The following ZSCAN25 variants were observed in gnomAD, a reference collection of about 807,000 sequenced individuals.
ZSCAN25 encodes zinc finger and SCAN domain-containing protein 25.
A neutral mutation model predicts 38.7 loss-of-function variants in ZSCAN25; 27 were observed. That is an observed-to-expected ratio of 0.70 (90% CI 0.51 to 0.96). The LOEUF (loss-of-function observed/expected upper bound fraction) is 0.96. Ranked by LOEUF, ZSCAN25 falls within the 40% of genes least tolerant of loss-of-function variation. The probability of loss-of-function intolerance (pLI) is 0.00; values close to 1 mark genes in which losing one functional copy is unlikely to be tolerated. For synonymous variants in ZSCAN25, 273 were observed against 277.7 expected, an observed-to-expected ratio of 0.98 and a Z score of 0.17; for missense variants, 637 against 705.9, an observed-to-expected ratio of 0.90 and a Z score of 1.11.
chr7:99,647,449 G>A, the ZSCAN25 span: 8 of 975,544 alleles, frequency 8.2e-6, no homozygotes, highest in Middle Eastern at 5.2e-4. Flanking sequence ...ATCAACTGAC[G>A]AATTGACAAT....
chr7:99,713,616 C>G, the ZSCAN25 span: 2 of 1,596,020 alleles, frequency 1.3e-6, no homozygotes, highest in East Asian at 4.5e-5. Flanking sequence ...TCCTCAACCT[C>G]CCTTCTGAGA....
chr7:99,722,337 C>T, the ZSCAN25 span: 17 of 1,613,392 alleles, frequency 1.1e-5, no homozygotes, highest in Middle Eastern at 1.6e-4. Flanking sequence ...CCATGTCAAA[C>T]GTCCAATAGC....
the ZSCAN25 span, among the ~76,000 whole-genome samples, chr7:99,709,772 A>ATGTG: frequency 7.5e-4 from 46 of 61,470 alleles, no homozygotes; most frequent in East Asian, 1.2e-3. Context: ...TGTATTATAT[A>ATGTG]TATGTGTGTG....
the ZSCAN25 span, among the ~76,000 whole-genome samples, chr7:99,668,686 G>A: frequency 2.0e-5 from 3 of 152,204 alleles, no homozygotes; most frequent in Non-Finnish European, 2.9e-5. Flanking sequence ...GCGAGAGGAC[G>A]CTATTGCAGT....
chr7:99,668,986 A>G, the ZSCAN25 span, among the ~76,000 whole-genome samples: 6 of 152,244 alleles, frequency 3.9e-5, no homozygotes, highest in Non-Finnish European at 5.9e-5. Context: ...ACATGTAAGT[A>G]TTCTTATTTG....
At chr7:99,691,713 C>T in the ZSCAN25 span, among the ~76,000 whole-genome samples, 1 of 152,116 alleles carries the variant, frequency 6.6e-6, no homozygotes, top group Admixed American at 6.5e-5. Flanking sequence ...AATAGGATTG[C>T]AACCCCTGCT....
chr7:99,713,701 C>G, the ZSCAN25 span, among the ~76,000 whole-genome samples: 1 of 152,122 alleles, frequency 6.6e-6, no homozygotes, highest in Non-Finnish European at 1.5e-5. Flanking sequence ...CCATCTAAAT[C>G]CTTGGAAAGC....
the ZSCAN25 span, among the ~76,000 whole-genome samples, chr7:99,709,830 T>A: frequency 0.05 from 7,645 of 152,134 alleles, 237 homozygotes; most frequent in Middle Eastern, 0.13. Context: ...GCAGGGCTTT[T>A]GTTATATACA....
At chr7:99,649,383 A>C in the ZSCAN25 span, among the ~76,000 whole-genome samples, 10 of 152,224 alleles carry the variant, frequency 6.6e-5, no homozygotes, top group Non-Finnish European at 4.4e-5. Context: ...CTTAATATGA[A>C]TCAATGACAT....
At chr7:99,676,198 G>A in the ZSCAN25 span, 39 of 1,613,610 alleles carry the variant, frequency 2.4e-5, no homozygotes, top group African/African-American at 1.3e-4. Flanking sequence ...CCATGTGTAC[G>A]GGTCCCATAT....
the ZSCAN25 span, among the ~76,000 whole-genome samples, chr7:99,707,183 G>C: frequency 6.6e-6 from 1 of 152,210 alleles, no homozygotes; most frequent in South Asian, 2.1e-4. Flanking sequence ...GTTGGTTGGA[G>C]CTAGGCACCT....
chr7:99,690,244 T>G, the ZSCAN25 span, among the ~76,000 whole-genome samples: 1 of 152,252 alleles, frequency 6.6e-6, no homozygotes, highest in African/African-American at 2.4e-5. Flanking sequence ...GCTAGCCATA[T>G]GTAGAAAGCT....
At chr7:99,636,727 A>G (rs1353055897), downstream of ZSCAN25, among the ~76,000 whole-genome samples, 1 of 152,268 alleles carries the variant, frequency 6.6e-6, no homozygotes, top group Non-Finnish European at 1.5e-5. Flanking sequence ...TGCATCAAGC[A>G]TTAACATTTG....
the ZSCAN25 span, chr7:99,684,904 G>A: frequency 9.3e-6 from 3 of 322,578 alleles, no homozygotes; most frequent in African/African-American, 4.3e-5. Flanking sequence ...GAGAAACAAA[G>A]AAGCCAAATC....
the ZSCAN25 span, among the ~76,000 whole-genome samples, chr7:99,698,591 C>T: frequency 6.6e-6 from 1 of 152,064 alleles, no homozygotes; most frequent in Non-Finnish European, 1.5e-5. Context: ...TTTAAAAAGA[C>T]ATATCTTTTT....
the ZSCAN25 span, chr7:99,717,104 A>T: frequency 6.3e-7 from 1 of 1,595,676 alleles, no homozygotes; most frequent in East Asian, 2.2e-5. Flanking sequence ...CAACAGCGGG[A>T]GTATCAGCTC....
At chr7:99,738,001 A>G in the ZSCAN25 span, among the ~76,000 whole-genome samples, 2 of 152,064 alleles carry the variant, frequency 1.3e-5, no homozygotes, top group Admixed American at 6.6e-5. Context: ...TCCCCTACTC[A>G]TTTCCTGTAT....
chr7:99,652,057 A>C, the ZSCAN25 span, among the ~76,000 whole-genome samples: 13 of 152,142 alleles, frequency 8.5e-5, no homozygotes, highest in Admixed American at 8.5e-4. Context: ...TTTCTGTTAA[A>C]TTCAGAGAGC....
At chr7:99,662,021 G>A in the ZSCAN25 span, among the ~76,000 whole-genome samples, 1 of 152,180 alleles carries the variant, frequency 6.6e-6, no homozygotes, top group Admixed American at 6.5e-5. The surrounding 1 kb of genome is among the most constrained non-coding windows in gnomAD (Gnocchi z 4.3). Flanking sequence ...CTTTATCACA[G>A]CAAGTTTTGT....
Sources: gnomAD v4.1 joint callset for allele counts (sites outside exome capture counted in the v4.1 genomes callset) on GRCh38, gnomAD v4.1.1 for gene constraint, Gnocchi (gnomAD v3.1) non-coding constraint, MANE v1.5 for transcripts, NCBI Gene and HGNC (gene_info 2026-07-23, HGNC 2026-07-21) for gene names.